Variants in NUF2 observed in about 807,000 individuals in gnomAD.
NUF2 encodes the protein NUF2 component of NDC80 kinetochore complex.
A neutral mutation model predicts 61.8 loss-of-function variants in NUF2; 34 were observed. That is an observed-to-expected ratio of 0.55 (90% confidence interval 0.42 to 0.73). The LOEUF is 0.73. Ranked by LOEUF, NUF2 falls within the 30% of genes least tolerant of loss-of-function variation. The pLI is 0.00. For synonymous variants in NUF2, 172 were observed against 181.6 expected, an observed-to-expected ratio of 0.95 and a Z score of 0.42; for missense variants, 445 against 539.1, an observed-to-expected ratio of 0.83 and a Z score of 1.73.
chr1:163,346,987 C>T (rs565293024), intron 11 of NUF2, among the ~76,000 whole-genome samples: 6 of 152,194 alleles, frequency 3.9e-5, no homozygotes, highest in Non-Finnish European at 5.9e-5. Context: ...TATTTTTAGA[C>T]CACAGTTGAC....
intron 13 of NUF2, among the ~76,000 whole-genome samples, chr1:163,350,663 C>T (rs1321480174): frequency 6.6e-6 from 1 of 152,138 alleles, no homozygotes; most frequent in African/African-American, 2.4e-5. Context: ...GAAAGGTCAT[C>T]TAGCATGGTG....
At chr1:163,327,215 TC>T (rs1650454028) in intron 2 of NUF2, among the ~76,000 whole-genome samples, 2 of 151,850 alleles carry the variant, frequency 1.3e-5, no homozygotes, top group African/African-American at 4.9e-5. Flanking sequence ...TTCTTCTATT[TC>T]CTAAGGTGGA....
intron 13 of NUF2, 27 bp from the exon 14 acceptor site, chr1:163,355,305 AATT>A (rs778099230): frequency 1.4e-5 from 22 of 1,533,964 alleles, no homozygotes; most frequent in Non-Finnish European, 1.8e-5. Context: ...TGCATGGAAT[AATT>A]ATTATTCTGT....
intron 9 of NUF2, among the ~76,000 whole-genome samples, chr1:163,341,455 G>A (rs187162438): frequency 0.018 from 2,668 of 151,984 alleles, 38 homozygotes; most frequent in Non-Finnish European, 0.025. Context: ...TGATCCACCC[G>A]CCTTGGCCTC....
At chr1:163,354,310 A>AT (rs1651419444) in intron 13 of NUF2, among the ~76,000 whole-genome samples, 1 of 152,100 alleles carries the variant, frequency 6.6e-6, no homozygotes, top group Non-Finnish European at 1.5e-5. Context: ...CTATGTTTGG[A>AT]TTTTTGGAGA....
intron 10 of NUF2, among the ~76,000 whole-genome samples, chr1:163,345,461 CTTTG>C (rs1294921855): frequency 1.3e-5 from 2 of 151,852 alleles, no homozygotes; most frequent in African/African-American, 4.8e-5. Context: ...GGCACTTTTC[CTTTG>C]TTTGAAGATA....
intron 10 of NUF2, among the ~76,000 whole-genome samples, chr1:163,344,435 T>A (rs1651050970): frequency 6.7e-6 from 1 of 149,970 alleles, no homozygotes; most frequent in Admixed American, 6.7e-5. Context: ...GAAGGAAGAA[T>A]GCTACCATTC....
At chr1:163,339,260 G>A in intron 7 of NUF2, 121 bp from the exon 8 acceptor site, 1 of 614,698 alleles carries the variant, frequency 1.6e-6, no homozygotes, top group Non-Finnish European at 2.9e-6. Flanking sequence ...CCACATGAAA[G>A]GGTGTAATTC....
Position 163,345,005 on chromosome 1 carries a change from G to T in NUF2, c.808-673G>T, listed in dbSNP as rs944885138. ...TTAGGAGAACACTTATATAATCTTG[G>T]ACTGAGATAGATTTTTGAAATTAAG... On this transcript the variant is annotated intron_variant, in intron 10 of 13. Transcript: ENST00000271452. Among the ~76,000 whole-genome samples, 5 of 152,026 alleles carry T rather than the reference G, an allele frequency of 3.3e-5. No individual in the cohort carries two copies. In the South Asian group the frequency reaches 1.0e-3, roughly 32 times the overall value.
intron 10 of NUF2, 102 bp from the exon 11 acceptor site, chr1:163,345,576 A>T: frequency 1.0e-6 from 1 of 981,846 alleles, no homozygotes; most frequent in East Asian, 2.4e-5. Context: ...TTAAGGTTTC[A>T]GTATTAAATG....
chr1:163,355,273 A>T, intron 13 of NUF2, 62 bp from the exon 14 acceptor site: 1 of 1,272,214 alleles, frequency 7.9e-7, no homozygotes, highest in Non-Finnish European at 1.1e-6. Context: ...AATTCTTATA[A>T]CTCATTTGTA....
At chr1:163,336,250 A>G (rs1264184931) in intron 5 of NUF2, among the ~76,000 whole-genome samples, 1 of 152,104 alleles carries the variant, frequency 6.6e-6, no homozygotes, top group Non-Finnish European at 1.5e-5. Flanking sequence ...TCATCTTAAT[A>G]CTCAGTTCCA....
intron 12 of NUF2, among the ~76,000 whole-genome samples, chr1:163,348,692 T>G (rs1175230017): frequency 6.6e-6 from 1 of 152,096 alleles, no homozygotes; most frequent in Non-Finnish European, 1.5e-5. Context: ...TTGATTGATT[T>G]ACTCATTCAC....
intron 11 of NUF2, among the ~76,000 whole-genome samples, chr1:163,347,153 A>G (rs2101687934): frequency 6.6e-6 from 1 of 152,352 alleles, no homozygotes; most frequent in Non-Finnish European, 1.5e-5. Flanking sequence ...AGAGATTTAA[A>G]GTTTATTACA....
chr1:163,331,666 GT>G (rs1387248159), intron 5 of NUF2, among the ~76,000 whole-genome samples: 15 of 152,116 alleles, frequency 9.9e-5, no homozygotes, highest in Admixed American at 9.2e-4. Flanking sequence ...AGAATTCAAA[GT>G]CTTTAATAGG....
intron 5 of NUF2, among the ~76,000 whole-genome samples, chr1:163,334,778 T>C (rs560961378): frequency 1.3e-5 from 2 of 152,036 alleles, no homozygotes; most frequent in Admixed American, 6.6e-5. Context: ...GACCTGCTTC[T>C]TTTTGAGAAG....
rs116669228 is a variant in NUF2 at position 163,348,989 on chromosome 1, G to A, written c.1169G>A (p.Arg390Gln). The A allele has an allele frequency of 9.4e-4, 1,522 of 1,610,814 alleles. 8 individuals carry two copies. In the African/African-American group the frequency reaches 0.011, roughly 11 times the overall value. ...VQEKRGAVYE[R>Q]VTTINQEIQK... The stretch of plus-strand genomic sequence containing the variant: ...GAAAAAAGAGGTGCTGTCTATGAAC[G>A]AGTAACCACAATTAATCAAGAAATC... Residue 390 changes from arginine (R) to glutamine (Q), a missense_variant, in exon 13 of 14, where the codon CGA (arginine) becomes CAA (glutamine). Coordinates refer to ENST00000271452, the MANE Select transcript of NUF2 (RefSeq NM_145697.3).
Position 163,335,762 on chromosome 1 carries a change from C to G in NUF2, c.338-989C>G, listed in dbSNP as rs1307546184. Among the ~76,000 whole-genome samples, 3 of 152,202 alleles carry G rather than the reference C, an allele frequency of 2.0e-5. No individual in the cohort carries two copies. In the East Asian group the frequency reaches 5.8e-4, roughly 29 times the overall value. ...AGTTATGCTGTTTGATATTGTCTCT[C>G]AGCTCACAGATATTGTATTCATTTT... On this transcript the variant is annotated intron_variant, in intron 5 of 13. Transcript: ENST00000271452.
intron 5 of NUF2, among the ~76,000 whole-genome samples, chr1:163,332,820 A>G (rs981422841): frequency 6.6e-6 from 1 of 152,178 alleles, no homozygotes; most frequent in South Asian, 2.1e-4. Flanking sequence ...AATTATACTT[A>G]TAAAGCCACT....
Sources: allele counts gnomAD v4.1 joint callset (sites outside exome capture counted in the v4.1 genomes callset), GRCh38; gene constraint gnomAD v4.1.1; transcripts MANE v1.5; gene names NCBI Gene and HGNC (gene_info 2026-07-23, HGNC 2026-07-21).